The following DOCK3 variants were observed in gnomAD, a reference collection of about 807,000 sequenced individuals.
The protein encoded by DOCK3 is dedicator of cytokinesis protein 3.
Under a neutral mutation model 265.6 loss-of-function variants are expected in DOCK3, and 60 were observed. That is an observed-to-expected ratio of 0.23 (90% CI 0.18 to 0.28). The LOEUF is 0.28. Ranked by LOEUF, DOCK3 falls within the 10% of genes least tolerant of loss-of-function variation. The pLI, the probability that DOCK3 is intolerant of heterozygous loss-of-function variation, is 1.00. For synonymous variants in DOCK3, 881 were observed against 938.0 expected (o/e 0.94, Z 1.11); for missense variants, 1,981 against 2,594.3 (o/e 0.76, Z 5.14).
chr3:51,110,880 G>T (rs2083482208), intron 9 of DOCK3, among the ~76,000 whole-genome samples: 1 of 152,204 alleles, frequency 6.6e-6, no homozygotes, highest in Admixed American at 6.5e-5. Context: ...AGGAAGAGAA[G>T]AAGTCAGTCT....
At chr3:50,849,867 C>T (rs1265049924) in intron 3 of DOCK3, among the ~76,000 whole-genome samples, 9 of 151,650 alleles carry the variant, frequency 5.9e-5, no homozygotes, top group Admixed American at 2.6e-4. Context: ...TGGGATCACT[C>T]GAGCATAGGA....
At chr3:50,873,902 A>G (rs1289029783) in intron 3 of DOCK3, among the ~76,000 whole-genome samples, 2 of 152,180 alleles carry the variant, frequency 1.3e-5, no homozygotes, top group South Asian at 2.1e-4. Context: ...TGCACTATGC[A>G]GTAGCTGCTA....
intron 14 of DOCK3, among the ~76,000 whole-genome samples, chr3:51,224,337 C>T (rs1378288318): frequency 6.6e-6 from 1 of 152,200 alleles, no homozygotes; most frequent in Non-Finnish European, 1.5e-5. Context: ...AAGGACTAGT[C>T]ACGAAGACCC....
intron 1 of DOCK3, among the ~76,000 whole-genome samples, chr3:50,760,584 T>C (rs557956346): frequency 1.3e-5 from 2 of 152,304 alleles, no homozygotes; most frequent in South Asian, 4.1e-4. Context: ...GTTTTGAGCA[T>C]GTTTAAAATA....
At chr3:50,823,863 C>T (rs984939828) in intron 2 of DOCK3, among the ~76,000 whole-genome samples, 5 of 152,244 alleles carry the variant, frequency 3.3e-5, no homozygotes, top group African/African-American at 7.2e-5. Context: ...CATTAACCAC[C>T]ATGTCCTAGG....
chr3:51,368,679 C>T (rs1486449914), intron 49 of DOCK3, among the ~76,000 whole-genome samples: 2 of 152,224 alleles, frequency 1.3e-5, no homozygotes, highest in Non-Finnish European at 2.9e-5. Context: ...ACTTAAACGT[C>T]CCTGTCTGAC....
chr3:50,902,095 G>T (rs1184386762), intron 4 of DOCK3, among the ~76,000 whole-genome samples: 1 of 151,786 alleles, frequency 6.6e-6, no homozygotes, highest in Non-Finnish European at 1.5e-5. Context: ...TTGTAAATTT[G>T]TTTAAGTTCC....
chr3:51,296,279 C>G (rs1413198340), intron 27 of DOCK3, among the ~76,000 whole-genome samples: 2 of 152,140 alleles, frequency 1.3e-5, no homozygotes, highest in Non-Finnish European at 2.9e-5. Flanking sequence ...CAGAGATTGA[C>G]AGTCTGAGCC....
At chr3:51,142,287 A>C (rs1287141840) in intron 9 of DOCK3, among the ~76,000 whole-genome samples, 1 of 152,146 alleles carries the variant, frequency 6.6e-6, no homozygotes, top group Non-Finnish European at 1.5e-5. Flanking sequence ...TTTAATGCAT[A>C]GTTCAGTGAG....
intron 6 of DOCK3, 84 bp from the exon 7 acceptor site, chr3:51,075,272 G>A (rs994934218): frequency 9.1e-6 from 10 of 1,092,970 alleles, no homozygotes; most frequent in African/African-American, 1.6e-5. Context: ...CACAAGATGT[G>A]GCAGGTATGG....
intron 9 of DOCK3, among the ~76,000 whole-genome samples, chr3:51,100,088 A>G (rs924581941): frequency 6.6e-6 from 1 of 152,222 alleles, no homozygotes; most frequent in African/African-American, 2.4e-5. Flanking sequence ...CAGATGACAG[A>G]CGATGGTGGC....
chr3:50,775,835 T>C (rs545836262), intron 1 of DOCK3, among the ~76,000 whole-genome samples: 20 of 62,914 alleles, frequency 3.2e-4, no homozygotes, highest in Non-Finnish European at 2.5e-4. Flanking sequence ...TGAGAACATA[T>C]GGTATTTGCT....
At chr3:51,258,041 G>T (rs1471507026) in intron 22 of DOCK3, among the ~76,000 whole-genome samples, 2 of 152,176 alleles carry the variant, frequency 1.3e-5, no homozygotes, top group Non-Finnish European at 2.9e-5. Flanking sequence ...CATCAGCCTT[G>T]TGCTCCTCTG....
At chr3:51,040,291 C>G (rs2080431026) in intron 5 of DOCK3, among the ~76,000 whole-genome samples, 1 of 151,838 alleles carries the variant, frequency 6.6e-6, no homozygotes, top group Admixed American at 6.6e-5. Flanking sequence ...GCATACACCT[C>G]AGAGGTACTG....
intron 12 of DOCK3, among the ~76,000 whole-genome samples, chr3:51,196,749 ATGTCTT>A (rs1322911816): frequency 6.6e-6 from 1 of 152,268 alleles, no homozygotes; most frequent in East Asian, 1.9e-4. Flanking sequence ...TTAAAAAACT[ATGTCTT>A]TGGTAAATTT....
intron 5 of DOCK3, among the ~76,000 whole-genome samples, chr3:51,050,208 A>T (rs1335613264): frequency 6.6e-6 from 1 of 152,062 alleles, no homozygotes; most frequent in Non-Finnish European, 1.5e-5. Flanking sequence ...ACACAGCTAG[A>T]CCCTGTCTCT....
chr3:51,014,274 G>C (rs941612816), intron 5 of DOCK3, among the ~76,000 whole-genome samples: 10 of 151,598 alleles, frequency 6.6e-5, no homozygotes, highest in Non-Finnish European at 1.0e-4. Flanking sequence ...GCAGACCAGA[G>C]CTGTTCCTAT....
chr3:50,848,521 A>G (rs1268604246), intron 3 of DOCK3, among the ~76,000 whole-genome samples: 1 of 152,198 alleles, frequency 6.6e-6, no homozygotes, highest in Non-Finnish European at 1.5e-5. Flanking sequence ...TTGTCTGGGA[A>G]AGATTTTGGT....
At chr3:51,014,477 A>G (rs892824821) in intron 5 of DOCK3, among the ~76,000 whole-genome samples, 2 of 152,112 alleles carry the variant, frequency 1.3e-5, no homozygotes, top group African/African-American at 4.8e-5. Context: ...TTTTCCAGTT[A>G]AATACCTCCA....
Sources: allele counts gnomAD v4.1 joint callset (sites outside exome capture counted in the v4.1 genomes callset), GRCh38; gene constraint gnomAD v4.1.1; transcripts MANE v1.5; gene names NCBI Gene and HGNC (gene_info 2026-07-23, HGNC 2026-07-21).